Variants in NFATC3 observed in about 807,000 individuals in gnomAD.
NFATC3 encodes nuclear factor of activated T-cells, cytoplasmic 3.
Under a neutral mutation model 98.6 loss-of-function variants are expected in NFATC3, and 46 were observed. The observed-to-expected ratio is 0.47, with a 90% CI of 0.37 to 0.60. The LOEUF (loss-of-function observed/expected upper bound fraction) is 0.60. Among genes scored for constraint, NFATC3 ranks in the 20% least tolerant of loss-of-function variants. NFATC3 has a pLI of 0.00. For missense variants in NFATC3, 1,256 were observed against 1,295.5 expected, an observed-to-expected ratio of 0.97 and a Z score of 0.47; for synonymous variants, 512 against 472.2, an observed-to-expected ratio of 1.08 and a Z score of -1.09.
At chr16:68,176,489 A>G (rs553791100) in intron 6 of NFATC3, among the ~76,000 whole-genome samples, 88 of 152,122 alleles carry the variant, frequency 5.8e-4, no homozygotes, top group Admixed American at 4.8e-3. Context: ...TTTTCGTTGT[A>G]TGAATGTACC....
intron 4 of NFATC3, among the ~76,000 whole-genome samples, chr16:68,164,741 G>A (rs756718845): frequency 1.2e-4 from 18 of 151,816 alleles, no homozygotes; most frequent in South Asian, 8.3e-4. Flanking sequence ...TTAGCCGGGC[G>A]TGGTGGTGCA....
At chr16:68,162,748 CA>C (rs1411877198) in intron 4 of NFATC3, among the ~76,000 whole-genome samples, 1 of 151,282 alleles carries the variant, frequency 6.6e-6, no homozygotes, top group Non-Finnish European at 1.5e-5. Flanking sequence ...ACATGTTGAT[CA>C]TTTTTTTTTT....
chr16:68,092,901 TC>T (rs1382738200), intron 1 of NFATC3, among the ~76,000 whole-genome samples: 4 of 152,208 alleles, frequency 2.6e-5, no homozygotes, highest in Non-Finnish European at 4.4e-5. Context: ...GACTTTTGTT[TC>T]CCCCCTTCTC....
At position 68,085,712 on chromosome 16, in the gene NFATC3, G is replaced by T; in HGVS notation, c.31G>T (p.Glu11Ter). 1 of 1,515,812 alleles carries T rather than the reference G, an allele frequency of 6.6e-7. No homozygotes were observed. 93.9% of individuals were successfully genotyped at this position (1,515,812 alleles called of 1,614,324 possible). The stretch of plus-strand genomic sequence containing the variant: ...TACTGCAAACTGTGGCGCCCACGAC[G>T]AGCTCGACTTCAAACTCGTCTTTGG... MTTANCGAHD[E>*]LDFKLVFGED... Residue 11 changes from glutamate to a stop codon, truncating the protein, a stop_gained, in exon 1 of 10, where the codon GAG becomes TAG. Transcript: ENST00000346183. LOFTEE classifies it high-confidence loss of function.
chr16:68,181,084 T>A (rs945114585), intron 6 of NFATC3, among the ~76,000 whole-genome samples: 2 of 152,244 alleles, frequency 1.3e-5, no homozygotes, highest in African/African-American at 2.4e-5. Flanking sequence ...CGCCACACTG[T>A]CTTCCACAAT....
chr16:68,209,772 A>G, intron 9 of NFATC3: 1 of 445,538 alleles, frequency 2.2e-6, no homozygotes, highest in South Asian at 1.7e-5. Context: ...GCAGTTGTGT[A>G]GTAGTTGAAG....
chr16:68,138,660 G>C, intron 3 of NFATC3: 5 of 1,288,388 alleles, frequency 3.9e-6, no homozygotes, highest in Non-Finnish European at 3.0e-6. Flanking sequence ...ACAATTTTTT[G>C]GCTACAAGTA....
intron 4 of NFATC3, among the ~76,000 whole-genome samples, chr16:68,162,615 A>T (rs2038946972): frequency 6.7e-6 from 1 of 148,612 alleles, no homozygotes; most frequent in Admixed American, 6.7e-5. Flanking sequence ...TAAACATCTC[A>T]ATTGGCTTTA....
At chr16:68,121,422 C>T (rs2036576716) in intron 1 of NFATC3, among the ~76,000 whole-genome samples, 1 of 150,786 alleles carries the variant, frequency 6.6e-6, no homozygotes, top group Non-Finnish European at 1.5e-5. Flanking sequence ...TCCCTCACAC[C>T]TGTAATCCCA....
intron 3 of NFATC3, among the ~76,000 whole-genome samples, chr16:68,143,712 A>G (rs1182335464): frequency 6.6e-6 from 1 of 152,118 alleles, no homozygotes; most frequent in Admixed American, 6.5e-5. Flanking sequence ...TTAGCTGGGC[A>G]TGGTGGTGCT....
At chr16:68,149,947 A>G (rs972623432) in intron 3 of NFATC3, among the ~76,000 whole-genome samples, 1 of 152,194 alleles carries the variant, frequency 6.6e-6, no homozygotes, top group Non-Finnish European at 1.5e-5. Context: ...TTGATATTTA[A>G]TAAGATTGAG....
chr16:68,193,237 A>G (rs978580145), intron 9 of NFATC3, among the ~76,000 whole-genome samples: 7 of 152,106 alleles, frequency 4.6e-5, no homozygotes, highest in Non-Finnish European at 8.8e-5. Context: ...TGTTTTATAT[A>G]AGGGACTTGC....
chr16:68,185,074 A>C (rs2040126337), intron 8 of NFATC3, among the ~76,000 whole-genome samples: 1 of 151,306 alleles, frequency 6.6e-6, no homozygotes, highest in Non-Finnish European at 1.5e-5. Flanking sequence ...CTCCGCCTCC[A>C]GGGTTCAAGT....
At chr16:68,181,074 C>T (rs1484605829) in intron 6 of NFATC3, among the ~76,000 whole-genome samples, 2 of 152,188 alleles carry the variant, frequency 1.3e-5, no homozygotes, top group Non-Finnish European at 2.9e-5. Flanking sequence ...TTTGAGGAAT[C>T]GCCACACTGT....
intron 3 of NFATC3, among the ~76,000 whole-genome samples, chr16:68,130,174 T>C (rs1425853536): frequency 6.6e-6 from 1 of 152,222 alleles, no homozygotes; most frequent in Admixed American, 6.5e-5. Flanking sequence ...TACCCTGTAG[T>C]GGAATTGCTG....
intron 6 of NFATC3, among the ~76,000 whole-genome samples, chr16:68,175,532 C>T (rs888360297): frequency 6.6e-6 from 1 of 151,920 alleles, no homozygotes; most frequent in Non-Finnish European, 1.5e-5. Flanking sequence ...GTTGTTTCCT[C>T]TCAGTTTTAA....
intron 9 of NFATC3, among the ~76,000 whole-genome samples, chr16:68,207,188 T>C (rs928988220): frequency 6.6e-6 from 1 of 151,292 alleles, no homozygotes; most frequent in Non-Finnish European, 1.5e-5. Flanking sequence ...TGGGCGCCTG[T>C]AATCTCAGCT....
At chr16:68,165,281 T>TA (rs1303180746) in intron 4 of NFATC3, among the ~76,000 whole-genome samples, 1 of 151,960 alleles carries the variant, frequency 6.6e-6, no homozygotes, top group Non-Finnish European at 1.5e-5. Context: ...TTGTTGCATT[T>TA]AAAAAAAATT....
chr16:68,171,780 C>G (rs1234835659), intron 5 of NFATC3, among the ~76,000 whole-genome samples: 1 of 148,996 alleles, frequency 6.7e-6, no homozygotes, highest in African/African-American at 2.5e-5. Context: ...TGGCTGCATA[C>G]ACATCTTTTT....
Sources: allele counts gnomAD v4.1 joint callset (sites outside exome capture counted in the v4.1 genomes callset), GRCh38; gene constraint gnomAD v4.1.1; transcripts MANE v1.5; gene names NCBI Gene and HGNC (gene_info 2026-07-23, HGNC 2026-07-21).